IDO2: variants seen among roughly 807,000 people sequenced by gnomAD.
IDO2 encodes the protein indoleamine 2,3-dioxygenase-like 1 protein.
A neutral mutation model predicts 45.1 loss-of-function variants in IDO2; 46 were observed. The ratio of observed to expected loss-of-function variants is 1.02; its 90% CI spans 0.80 to 1.30. The LOEUF is 1.30. IDO2 is among the 50% of genes most tolerant of loss of function. The pLI is 0.00. For missense variants in IDO2, 544 were observed against 491.8 expected (o/e 1.11, Z -1.00); for synonymous variants, 218 against 184.9 (o/e 1.18, Z -1.45).
chr8:39,990,085 CAGATATTTCTT>C (rs1174867254), intron 8 of IDO2, among the ~76,000 whole-genome samples: 18 of 152,262 alleles, frequency 1.2e-4, no homozygotes, highest in South Asian at 2.1e-4. Context: ...CTGCAGTGGC[CAGATATTTCTT>C]AGGCATGTTG....
chr8:39,993,914 G>A (rs192675213), intron 8 of IDO2, among the ~76,000 whole-genome samples: 340 of 152,162 alleles, frequency 2.2e-3, no homozygotes, highest in African/African-American at 7.9e-3. Flanking sequence ...GGCTGAGGCA[G>A]GAGAATCACT....
chr8:39,995,660 T>C lies in IDO2; in HGVS notation c.667+5822T>C, dbSNP rs548298718. Among the ~76,000 whole-genome samples the C allele has an allele frequency of 5.9e-5, 9 of 152,298 alleles. No individual in the cohort carries two copies. The South Asian group carries it at 6.2e-4, about 11-fold the overall frequency. On this transcript the variant is annotated intron_variant, in intron 8 of 10. Coordinates refer to ENST00000502986, the Ensembl canonical transcript of IDO2. ...TAAGAATAGTTATACTAGAAATAGA[T>C]TATAGATATGATTACATATGAATAT...
intron 7 of IDO2, among the ~76,000 whole-genome samples, chr8:39,988,989 T>C (rs139626676): frequency 2.2e-3 from 341 of 152,224 alleles, no homozygotes; most frequent in African/African-American, 7.9e-3. Context: ...AATCTGTCTG[T>C]GTATTAGTCC....
At chr8:39,940,670 T>A (rs1807629001) in intron 1 of IDO2, among the ~76,000 whole-genome samples, 1 of 152,142 alleles carries the variant, frequency 6.6e-6, no homozygotes, top group Admixed American at 6.5e-5. Context: ...TATAGAACAC[T>A]AGAACTTATT....
intron 9 of IDO2, among the ~76,000 whole-genome samples, chr8:40,008,057 T>C (rs1802249466): frequency 6.6e-6 from 1 of 150,824 alleles, no homozygotes; most frequent in South Asian, 2.1e-4. Flanking sequence ...TTTTTTTTTT[T>C]TTTTTTTGAG....
At chr8:39,981,633 C>T (rs1311048950) in intron 4 of IDO2, among the ~76,000 whole-genome samples, 1 of 152,154 alleles carries the variant, frequency 6.6e-6, no homozygotes, top group Non-Finnish European at 1.5e-5. Flanking sequence ...GTACCTGGCT[C>T]TCCAATGCCT....
intron 4 of IDO2, among the ~76,000 whole-genome samples, chr8:39,981,466 T>C (rs1479059896): frequency 6.6e-6 from 1 of 151,880 alleles, no homozygotes; most frequent in Non-Finnish European, 1.5e-5. Flanking sequence ...TAAATTGGGG[T>C]TTGGGGGAGA....
chr8:40,015,060 G>C (rs1054605721), intron 10 of IDO2, among the ~76,000 whole-genome samples, 187 bp from the exon 11 acceptor site: 2 of 152,122 alleles, frequency 1.3e-5, no homozygotes, highest in Admixed American at 6.6e-5. Context: ...GAAGACTGAG[G>C]TGGGAGGATC....
rs765982716 is a variant in IDO2, at chr8:39,935,203, C to A, written c.-33C>A. ...CCACCAGGCCACCACAAGAATGTTG[C>A]ATTTTCATTATTATGGTAAGTACAC... On this transcript the variant is annotated 5_prime_UTR_variant, in exon 1 of 11. An upstream open reading frame in the 5' UTR gains an earlier in-frame stop. Coordinates refer to ENST00000502986, the Ensembl canonical transcript of IDO2. The A allele has an allele frequency of 1.2e-6, 2 of 1,613,294 alleles. No individual in the cohort carries two copies. The highest frequency in any genetic ancestry group is 2.7e-5 in the African/African-American group (2 of 74,884).
chr8:39,995,798 A>G (rs1204056520), intron 8 of IDO2, among the ~76,000 whole-genome samples: 1 of 128,900 alleles, frequency 7.8e-6, no homozygotes, highest in African/African-American at 2.7e-5. Context: ...CTAAAGGGAC[A>G]GGGTGAGAAG....
Position 39,993,511 on chromosome 8 carries a change from G to T in IDO2, c.667+3673G>T, listed in dbSNP as rs373930211. Among the ~76,000 whole-genome samples, 104 of 152,124 alleles carry T rather than the reference G, an allele frequency of 6.8e-4. 4 individuals carry two copies. The South Asian group carries it at 0.015, about 22-fold the overall frequency. On this transcript the variant is annotated intron_variant, in intron 8 of 10. Transcript: ENST00000502986. ...TCAGGTTTCTTTTTGAGTAAATTGG[G>T]GCTAAGCTGTAGTGTGAACTTCTGC...
At chr8:40,009,239 T>C (rs1297461282) in intron 9 of IDO2, among the ~76,000 whole-genome samples, 1 of 152,202 alleles carries the variant, frequency 6.6e-6, no homozygotes, top group African/African-American at 2.4e-5. Flanking sequence ...GTTCTTGAAC[T>C]CCTGACCTCA....
intron 2 of IDO2, among the ~76,000 whole-genome samples, chr8:39,961,122 C>T (rs760213221): frequency 2.0e-5 from 3 of 152,108 alleles, no homozygotes; most frequent in Non-Finnish European, 4.4e-5. Flanking sequence ...TATTCAAGCT[C>T]ATTGAGCGTC....
chr8:39,941,067 C>A (rs149132422), intron 1 of IDO2, among the ~76,000 whole-genome samples: 6 of 150,924 alleles, frequency 4.0e-5, no homozygotes, highest in Admixed American at 6.6e-5. Flanking sequence ...CTAAAAAATA[C>A]AAAAATTAGC....
chr8:39,987,811 C>T (rs1254844220), intron 6 of IDO2, 60 bp from the exon 7 acceptor site: 6 of 959,670 alleles, frequency 6.3e-6, no homozygotes, highest in South Asian at 1.4e-5. Flanking sequence ...GAACTCTGGG[C>T]AGTGAGTACT....
chr8:40,016,355 G>A, exon 11 of IDO2: 2 of 391,996 alleles, frequency 5.1e-6, no homozygotes, highest in East Asian at 3.6e-5. Context: ...GTAAATCAAT[G>A]TGTTTAGTGT....
chr8:40,015,132 G>C, intron 10 of IDO2, 115 bp from the exon 11 acceptor site: 1 of 652,968 alleles, frequency 1.5e-6, no homozygotes, highest in South Asian at 2.1e-5. Flanking sequence ...TCCAGCCTGG[G>C]CAACAGAGCA....
At chr8:39,946,555 C>T (rs144333312) in intron 1 of IDO2, among the ~76,000 whole-genome samples, 2,505 of 151,690 alleles carry the variant, frequency 0.017, 89 homozygotes, top group African/African-American at 0.057. Context: ...TACAGTGAGC[C>T]GAGATCATGC....
chr8:39,995,265 C>CTTCTTCTTCTTCTTCTTCTTCT (rs1563438335), intron 8 of IDO2: 4 of 89,994 alleles, frequency 4.4e-5, no homozygotes, highest in Non-Finnish European at 6.9e-5. Context: ...CTTCTTCTTC[C>CTTCTTCTTCTTCTTCTTCTTCT]TCTTCTTCTT....
Sources: gnomAD v4.1 joint callset for allele counts (sites outside exome capture counted in the v4.1 genomes callset) on GRCh38, gnomAD v4.1.1 for gene constraint, MANE v1.5 for transcripts, NCBI Gene and HGNC (gene_info 2026-07-23, HGNC 2026-07-21) for gene names.